The following CCDC14 variants were observed in gnomAD, a reference collection of about 807,000 sequenced individuals.
The protein encoded by CCDC14 is coiled-coil domain containing 14.
In CCDC14, 71 loss-of-function variants were observed where a neutral mutation model predicts 81.4. The observed-to-expected ratio is 0.87, with a 90% confidence interval of 0.72 to 1.06. CCDC14 has a LOEUF of 1.06. Among genes scored for constraint, CCDC14 ranks in the 50% least tolerant of loss-of-function variants. The pLI is 0.00. For missense variants in CCDC14, 1,046 were observed against 1,047.3 expected, an observed-to-expected ratio of 1.00 and a Z score of 0.02; for synonymous variants, 332 against 364.8, an observed-to-expected ratio of 0.91 and a Z score of 1.03.
At chr3:123,888,859 C>G in the CCDC14 span, among the ~76,000 whole-genome samples, 1 of 152,088 alleles carries the variant, frequency 6.6e-6, no homozygotes, top group African/African-American at 2.4e-5. Context: ...GGTGGGGACA[C>G]AAATCCAAAT....
intron 10 of CCDC14, among the ~76,000 whole-genome samples, chr3:123,933,196 A>G (rs995124674): frequency 6.6e-6 from 1 of 152,222 alleles, no homozygotes; most frequent in African/African-American, 2.4e-5. Context: ...GCACTGGGAA[A>G]AAAGGGGAAA....
downstream of CCDC14, among the ~76,000 whole-genome samples, chr3:123,894,019 T>A (rs1236698835): frequency 6.6e-6 from 1 of 152,220 alleles, no homozygotes; most frequent in Non-Finnish European, 1.5e-5. Context: ...GTTATTGATG[T>A]CATACCAAAG....
chr3:123,950,910 G>A (rs1442656348), intron 5 of CCDC14, among the ~76,000 whole-genome samples: 1 of 151,786 alleles, frequency 6.6e-6, no homozygotes, highest in Non-Finnish European at 1.5e-5. Context: ...AACAGAAAAA[G>A]TTAAAGGCAG....
At chr3:123,927,354 C>T (rs986783350) in intron 12 of CCDC14, among the ~76,000 whole-genome samples, 2 of 151,638 alleles carry the variant, frequency 1.3e-5, no homozygotes, top group Admixed American at 1.3e-4. Context: ...GAGGTTGAGG[C>T]GGTACTGAGC....
At chr3:123,931,936 A>C (rs953634344) in intron 10 of CCDC14, among the ~76,000 whole-genome samples, 2 of 152,194 alleles carry the variant, frequency 1.3e-5, no homozygotes, top group Non-Finnish European at 2.9e-5. Context: ...ACTTTTACAT[A>C]TGGTATTAAT....
Position 123,948,887 on chromosome 3 carries a change from C to A in CCDC14, c.589+9G>T. 6.2e-7 allele frequency: 1 copy of A among 1,607,936 alleles called. No individual in the cohort carries two copies. Among genetic ancestry groups the A allele is most frequent in the South Asian group, 1.1e-5 (1 of 90,568 alleles). On this transcript the variant is annotated intron_variant, in intron 6 of 12. Transcript: ENST00000409697. ...ACACTCACGATTTTTAAACAGCATT[C>A]GTACTCACCAGAATGAGAGGGAGCA...
At chr3:123,887,477 C>CA in the CCDC14 span, among the ~76,000 whole-genome samples, 3 of 50,424 alleles carry the variant, frequency 5.9e-5, no homozygotes, top group African/African-American at 4.1e-4. Flanking sequence ...ATAACAACAA[C>CA]AACAAAAAAA....
At chr3:123,903,024 T>C (rs1390627924) in intron 5 of CCDC14, among the ~76,000 whole-genome samples, 1 of 152,138 alleles carries the variant, frequency 6.6e-6, no homozygotes, top group South Asian at 2.1e-4. Context: ...TGTGTCTATG[T>C]CTTCTCATCA....
intron 5 of CCDC14, chr3:123,955,585 C>T (rs2148958140): frequency 3.6e-6 from 1 of 278,504 alleles, no homozygotes; most frequent in South Asian, 8.8e-5. Context: ...TATATACCTC[C>T]CAAATGTCAT....
At chr3:123,910,979 T>C (rs2034431126), downstream of CCDC14, among the ~76,000 whole-genome samples, 1 of 152,120 alleles carries the variant, frequency 6.6e-6, no homozygotes, top group Non-Finnish European at 1.5e-5. Flanking sequence ...ACTAGAAATA[T>C]CTGCAAGGTA....
At chr3:123,897,199 A>G (rs2034078532), downstream of CCDC14, 1 of 152,222 alleles carries the variant, frequency 6.6e-6, no homozygotes, top group African/African-American at 2.4e-5. Context: ...AAAGGGAAAG[A>G]AAACAAACAT....
Position 123,955,350 on chromosome 3 carries a change from T to C in CCDC14, c.352+493A>G, listed in dbSNP as rs933509685. The C allele has an allele frequency of 8.5e-5, 13 of 152,166 alleles. 1 individual carries two copies. The highest frequency in any genetic ancestry group is 7.2e-4 in the Admixed American group (11 of 15,262). 9.4% of individuals were successfully genotyped at this position (152,166 alleles called of 1,614,324 possible). A position where few individuals can be genotyped will look rare whatever the true frequency, so the allele number is the denominator to read the frequency against. On this transcript the variant is annotated intron_variant, in intron 5 of 12. Transcript: ENST00000409697. ...TGAGGGTGTAAAGTACCCTTGGCTA[T>C]ACTCACCACCAATCAGCAGCAGCCT...
In CCDC14 at chr3:123,950,912, T is replaced by C. The variant is rs188752436; in HGVS notation, c.353-1780A>G. On this transcript the variant is annotated intron_variant, in intron 5 of 12. Transcript: ENST00000409697. ...ATGTAAAAGCAAAAACAGAAAAAGT[T>C]AAAGGCAGATTTAATACTATAACCA... Among the ~76,000 whole-genome samples, 405 of 151,818 alleles carry C rather than the reference T, an allele frequency of 2.7e-3. 2 individuals are homozygous for C. Among genetic ancestry groups the C allele is most frequent in the Admixed American group, 4.1e-3 (62 of 15,252 alleles).
At chr3:123,927,223 T>C (rs900190881) in intron 12 of CCDC14, among the ~76,000 whole-genome samples, 3 of 144,468 alleles carry the variant, frequency 2.1e-5, no homozygotes, top group Admixed American at 7.1e-5. Context: ...TGGGGCAACA[T>C]GGCGAGACCT....
intron 5 of CCDC14, among the ~76,000 whole-genome samples, chr3:123,903,665 T>C (rs1317563935): frequency 6.6e-6 from 1 of 152,214 alleles, no homozygotes; most frequent in Non-Finnish European, 1.5e-5. Flanking sequence ...ACCCCTTTCT[T>C]GTGTGTCTTT....
Position 123,956,482 on chromosome 3 carries a change from T to C in CCDC14, c.87-55A>G. On this transcript the variant is annotated intron_variant, in intron 2 of 12. Coordinates refer to ENST00000409697, the MANE Select transcript of CCDC14 (RefSeq NM_001366335.1). ...AAATATTTTTCCCAAAATATATTAG[T>C]AAGTAGTCATTTTCTTTCCAGCAAA... 5.7e-6 allele frequency: 7 copies of C among 1,230,936 alleles called. No individual in the cohort carries two copies. The South Asian group carries it at 9.8e-5, about 17-fold the overall frequency. The allele number at this position is 1,230,936 out of a possible 1,614,324, so 76.3% of individuals were successfully genotyped here.
chr3:123,934,291 A>AAAAAC, intron 9 of CCDC14, among the ~76,000 whole-genome samples: 1 of 146,122 alleles, frequency 6.8e-6, no homozygotes, highest in African/African-American at 2.6e-5. Context: ...AAAAAAAAAA[A>AAAAAC]AAAACCCTCA....
In CCDC14 at chr3:123,913,656, T is replaced by G. The variant is rs2034501561; in HGVS notation, c.*1123A>C. ...GACTACAGCTGGCTCCTTCAAACGC[T>G]GTAGCACTAACACCTAAAAAAAAAA... On this transcript the variant is annotated 3_prime_UTR_variant, in exon 13 of 13. Transcript: ENST00000409697. 1.0e-6 allele frequency: 1 copy of G among 980,678 alleles called. No individual in the cohort carries two copies. Among genetic ancestry groups the G allele is most frequent in the East Asian group, 1.2e-4 (1 of 8,606 alleles). 60.7% of individuals were successfully genotyped at this position (980,678 alleles called of 1,614,324 possible). A position where few individuals can be genotyped will look rare whatever the true frequency, so the allele number is the denominator to read the frequency against.
intron 12 of CCDC14, among the ~76,000 whole-genome samples, chr3:123,927,780 T>C (rs2035457352): frequency 1.3e-5 from 2 of 152,082 alleles, no homozygotes; most frequent in South Asian, 2.1e-4. Flanking sequence ...TATACTTCTA[T>C]GTTAGATAAA....
Sources: gnomAD v4.1 joint callset for allele counts (sites outside exome capture counted in the v4.1 genomes callset) on GRCh38, gnomAD v4.1.1 for gene constraint, MANE v1.5 for transcripts, NCBI Gene and HGNC (gene_info 2026-07-23, HGNC 2026-07-21) for gene names.